Variants in CPVL observed in about 807,000 individuals in gnomAD.
CPVL encodes probable serine carboxypeptidase CPVL.
A neutral mutation model predicts 63.7 loss-of-function variants in CPVL; 51 were observed. That is an observed-to-expected ratio of 0.80 (90% CI 0.64 to 1.01). CPVL has a LOEUF of 1.01. CPVL is among the 50% of genes least tolerant of loss of function. The pLI is 0.00. For synonymous variants in CPVL, 195 were observed against 206.0 expected, an observed-to-expected ratio of 0.95 and a Z score of 0.46; for missense variants, 530 against 573.1, an observed-to-expected ratio of 0.92 and a Z score of 0.77.
intron 12 of CPVL, among the ~76,000 whole-genome samples, chr7:29,030,328 A>G (rs1007097505): frequency 5.3e-5 from 8 of 152,166 alleles, no homozygotes; most frequent in Non-Finnish European, 8.8e-5. Context: ...TGGACTGAGC[A>G]CTGTCTTTTT....
At position 29,087,474 on chromosome 7, in the gene CPVL, T is replaced by C. The variant is rs1399775541; in HGVS notation, c.543-924A>G. 5.4e-5 allele frequency among the ~76,000 whole-genome samples: 7 copies of C among 130,578 alleles called. No homozygotes were observed. The South Asian group carries it at 1.0e-3, about 19-fold the overall frequency. 85.7% of individuals were successfully genotyped at this position (130,578 alleles called of 152,430 possible). On this transcript the variant is annotated intron_variant, in intron 6 of 12. Transcript: ENST00000265394. ...GCCAATAGCCACTTCAGTGATGAAA[T>C]AGATTTTAACAGACTCAAGGAGTGA...
chr7:29,138,453 TAAGAAG>T (rs756896228), intron 1 of CPVL, among the ~76,000 whole-genome samples: 6 of 151,756 alleles, frequency 4.0e-5, no homozygotes, highest in African/African-American at 1.2e-4. Context: ...ATAATAATAA[TAAGAAG>T]AAGAAGAAGA....
At chr7:29,003,849 A>G (rs1481400348) in intron 12 of CPVL, among the ~76,000 whole-genome samples, 4 of 152,140 alleles carry the variant, frequency 2.6e-5, no homozygotes, top group African/African-American at 9.7e-5. Flanking sequence ...TCACATGCGC[A>G]GTTCACAATA....
intron 12 of CPVL, among the ~76,000 whole-genome samples, chr7:29,020,404 T>A (rs780870480): frequency 2.6e-5 from 4 of 151,078 alleles, no homozygotes; most frequent in Non-Finnish European, 4.4e-5. Context: ...TGACTTTCAA[T>A]AAACATATTT....
At chr7:29,162,254 C>T (rs1249407276) in intron 5 of CPVL, among the ~76,000 whole-genome samples, 1 of 152,048 alleles carries the variant, frequency 6.6e-6, no homozygotes, top group African/African-American at 2.4e-5. Context: ...CGGAAATGAC[C>T]CAAATGCTCT....
chr7:29,103,110 AG>A (rs1787331126), intron 3 of CPVL, among the ~76,000 whole-genome samples: 1 of 141,724 alleles, frequency 7.1e-6, no homozygotes, highest in African/African-American at 2.6e-5. Context: ...TGCATCAGAG[AG>A]AAAGAGAGAA....
chr7:29,075,869 A>C (rs1784188768), intron 7 of CPVL, among the ~76,000 whole-genome samples: 1 of 151,758 alleles, frequency 6.6e-6, no homozygotes. Context: ...GTCACAGAGA[A>C]GACAATTATA....
At position 29,071,699 on chromosome 7, in the gene CPVL, G is replaced by A. The variant is rs573368129; in HGVS notation, c.864+74C>T. The A allele has an allele frequency of 4.9e-5, 72 of 1,476,042 alleles. No homozygotes were observed. The African/African-American group carries it at 8.9e-4, about 18-fold the overall frequency. The allele number at this position is 1,476,042 out of a possible 1,614,324, so 91.4% of individuals were successfully genotyped here. On this transcript the variant is annotated intron_variant, in intron 9 of 12. Transcript: ENST00000265394. ...CAAAAAAATGCCTGAGCACCAAGGT[G>A]TTCCTGCTCACCCGCCCTCCCTCCC...
intron 2 of CPVL, among the ~76,000 whole-genome samples, chr7:29,115,652 AG>A (rs1427179819): frequency 9.1e-6 from 1 of 109,594 alleles, no homozygotes; most frequent in Non-Finnish European, 2.2e-5. Context: ...AAAAAAAAAA[AG>A]GAGAGTAGAG....
chr7:29,146,384 G>T, intron 1 of CPVL, 45 bp downstream of exon 1: 1 of 737,108 alleles, frequency 1.4e-6, no homozygotes. Context: ...GCGAGGACCT[G>T]TCCCGCTGAG....
chr7:29,098,888 C>A (rs1417999084), intron 3 of CPVL, among the ~76,000 whole-genome samples: 1 of 152,028 alleles, frequency 6.6e-6, no homozygotes. Context: ...CATGGAGAAA[C>A]CCCATCTCTA....
chr7:29,069,729 G>C (rs1783529797), intron 9 of CPVL, among the ~76,000 whole-genome samples: 1 of 150,938 alleles, frequency 6.6e-6, no homozygotes, highest in Non-Finnish European at 1.5e-5. Flanking sequence ...GCAATTCATT[G>C]CTATCCCCTG....
chr7:29,065,710 A>G (rs149457425), intron 10 of CPVL, among the ~76,000 whole-genome samples: 1,699 of 152,316 alleles, frequency 0.011, 19 homozygotes, highest in Non-Finnish European at 0.018. Flanking sequence ...CTGGGACCTG[A>G]GACCCAGAAC....
chr7:29,057,202 C>T (rs564064287), intron 11 of CPVL, among the ~76,000 whole-genome samples: 16 of 152,128 alleles, frequency 1.1e-4, no homozygotes, highest in African/African-American at 3.6e-4. Context: ...GTGATCCTCT[C>T]GCCTTGGCCT....
chr7:29,094,003 G>A (rs1170245834), intron 5 of CPVL, among the ~76,000 whole-genome samples: 2 of 152,206 alleles, frequency 1.3e-5, no homozygotes, highest in Admixed American at 6.5e-5. Context: ...TCCCCAAGGA[G>A]AGTATCACTT....
chr7:29,027,465 G>C (rs1787610151), intron 12 of CPVL, among the ~76,000 whole-genome samples: 1 of 152,134 alleles, frequency 6.6e-6, no homozygotes, highest in Admixed American at 6.5e-5. Context: ...CATAGTACCA[G>C]AAGTCCTAGC....
intron 5 of CPVL, among the ~76,000 whole-genome samples, chr7:29,164,993 G>C (rs1305469433): frequency 6.6e-6 from 1 of 151,980 alleles, no homozygotes; most frequent in African/African-American, 2.4e-5. Context: ...TATAGTGTGA[G>C]TTCTACAACT....
chr7:28,996,146 C>G (rs79908832), intron 12 of CPVL: 15 of 346,480 alleles, frequency 4.3e-5, no homozygotes, highest in African/African-American at 3.1e-4. Context: ...GAAAATTATT[C>G]CTTGTCTTTT....
intron 11 of CPVL, among the ~76,000 whole-genome samples, chr7:29,058,426 T>C (rs148767127): frequency 6.6e-6 from 1 of 152,226 alleles, no homozygotes; most frequent in East Asian, 1.9e-4. Context: ...GCTTTTTTGT[T>C]GATTCTTCTG....
Sources: gnomAD v4.1 joint callset for allele counts (sites outside exome capture counted in the v4.1 genomes callset) on GRCh38, gnomAD v4.1.1 for gene constraint, MANE v1.5 for transcripts, NCBI Gene and HGNC (gene_info 2026-07-23, HGNC 2026-07-21) for gene names.